Variants in CCDC7 observed in about 807,000 individuals in gnomAD.
The protein encoded by CCDC7 is coiled-coil domain-containing protein 7.
CCDC7 carries 183 observed loss-of-function variants against 196.9 expected under a neutral mutation model. That is an observed-to-expected ratio of 0.93 (90% CI 0.82 to 1.05). CCDC7 has a LOEUF of 1.05. Ranked by LOEUF, CCDC7 falls within the 50% of genes least tolerant of loss-of-function variation. The pLI is 0.00. For synonymous variants in CCDC7, 525 were observed against 484.6 expected (o/e 1.08, Z -1.10); for missense variants, 1,540 against 1,482.2 (o/e 1.04, Z -0.64).
chr10:32,517,822 C>A, intron 9 of CCDC7, 123 bp from the exon 11 acceptor site: 1 of 942,632 alleles, frequency 1.1e-6, no homozygotes, highest in Non-Finnish European at 1.5e-6. Flanking sequence ...CAAGGGAGGG[C>A]AGAATAAAAC....
At position 32,505,229 on chromosome 10, in the gene CCDC7, C is replaced by T. The variant is rs565438219; in HGVS notation, c.873-12716C>T. 6.0e-5 allele frequency among the ~76,000 whole-genome samples: 9 copies of T among 151,118 alleles called. No homozygotes were observed. The South Asian group carries it at 6.4e-4, about 11-fold the overall frequency. On this transcript the variant is annotated intron_variant, in intron 9 of 41. Transcript: ENST00000639629. ...TTATTGATCATTCTTGGGTGTTTCT[C>T]GGAGAGGGGGATGTGGCAGGGTCAT...
intron 9 of CCDC7, among the ~76,000 whole-genome samples, chr10:32,508,740 C>T (rs576656821): frequency 2.0e-5 from 3 of 151,758 alleles, no homozygotes; most frequent in Non-Finnish European, 2.9e-5. Context: ...AAGCAATTCT[C>T]CTGCCTCAGC....
rs550360867 is a variant in CCDC7 at position 32,824,420 on chromosome 10, A to G, written c.3182-98A>G. 3 of 666,034 alleles carry G rather than the reference A, an allele frequency of 4.5e-6. No individual in the cohort carries two copies. In the African/African-American group the frequency reaches 5.4e-5, roughly 12 times the overall value. The allele number at this position is 666,034 out of a possible 1,614,324, so 41.3% of individuals were successfully genotyped here. The stretch of plus-strand genomic sequence containing the variant: ...GACACTTTATTATAATTCTACTCCA[A>G]TGAAGAATATTAATTATGATAGTAT... On this transcript the variant is annotated intron_variant, in intron 31 of 41. Coordinates refer to ENST00000639629, the Ensembl canonical transcript of CCDC7.
upstream of CCDC7, among the ~76,000 whole-genome samples, chr10:32,443,466 T>A (rs2133180388): frequency 6.6e-6 from 1 of 152,258 alleles, no homozygotes; most frequent in East Asian, 1.9e-4. Flanking sequence ...GCACAAAGTC[T>A]ATGATTTAAT....
chr10:32,839,626 C>A (rs1003494883), intron 33 of CCDC7, among the ~76,000 whole-genome samples: 6 of 151,962 alleles, frequency 3.9e-5, no homozygotes, highest in African/African-American at 7.2e-5. Flanking sequence ...AAACAATGAA[C>A]TTGAACTCTA....
intron 33 of CCDC7, among the ~76,000 whole-genome samples, chr10:32,842,881 G>A (rs1237108423): frequency 2.0e-5 from 3 of 152,044 alleles, no homozygotes; most frequent in Non-Finnish European, 4.4e-5. Flanking sequence ...TCATGTGGGA[G>A]CTAAGCTATG....
At chr10:32,872,992 T>C (rs1325760349) in intron 41 of CCDC7, among the ~76,000 whole-genome samples, 2 of 152,144 alleles carry the variant, frequency 1.3e-5, no homozygotes, top group Non-Finnish European at 2.9e-5. Context: ...ATTTCAACTT[T>C]GGTGAATCTG....
chr10:32,619,910 C>CTTTTTTTT lies in CCDC7; in HGVS notation c.1802-14321_1802-14314dup, dbSNP rs56089046. ...CACTGCTCCCAGCCCTTCAATGTAC[C>CTTTTTTTT]TTTTTTTTTTTTTTTTTTTTTTTTT... On this transcript the variant is annotated intron_variant, in intron 18 of 41. Transcript: ENST00000639629. 2.2e-3 allele frequency among the ~76,000 whole-genome samples: 174 copies of CTTTTTTTT among 79,266 alleles called. 7 individuals are homozygous for CTTTTTTTT. The highest frequency in any genetic ancestry group is 4.2e-3 in the East Asian group (9 of 2,128). The allele number at this position is 79,266 out of a possible 152,430, so 52.0% of individuals were successfully genotyped here.
chr10:32,855,337 CG>C (rs2093710185), intron 41 of CCDC7, among the ~76,000 whole-genome samples: 2 of 151,772 alleles, frequency 1.3e-5, no homozygotes, highest in African/African-American at 4.8e-5. Context: ...ATGATTCAGG[CG>C]CATTACATTT....
At chr10:32,744,149 GA>G (rs879608097) in intron 28 of CCDC7, among the ~76,000 whole-genome samples, 29 of 136,426 alleles carry the variant, frequency 2.1e-4, no homozygotes, top group East Asian at 4.5e-4. Context: ...TAAAAAAAAA[GA>G]AAAAAAAAAG....
rs183520633 is a variant in CCDC7, at chr10:32,552,376, G to A, written c.1134+8075G>A. Among the ~76,000 whole-genome samples, 3 of 152,306 alleles carry A rather than the reference G, an allele frequency of 2.0e-5. 1 individual carries two copies. Among genetic ancestry groups the A allele is most frequent in the African/African-American group, 7.2e-5 (3 of 41,564 alleles). On this transcript the variant is annotated intron_variant, in intron 13 of 41. Coordinates refer to ENST00000639629, the Ensembl canonical transcript of CCDC7. ...CTGCAGTTCTGTGTCTTTAAGTGGA[G>A]CATTTAAGTCCAATGTTAGTAATGA...
At chr10:32,729,551 C>T (rs2083607805) in intron 28 of CCDC7, 94 bp downstream of exon 29, 3 of 541,076 alleles carry the variant, frequency 5.5e-6, no homozygotes, top group African/African-American at 1.9e-5. Flanking sequence ...CCATATGCTT[C>T]TTCTGCTAAT....
At chr10:32,624,522 C>G (rs545201290) in intron 18 of CCDC7, among the ~76,000 whole-genome samples, 82 of 152,266 alleles carry the variant, frequency 5.4e-4, no homozygotes, top group African/African-American at 1.8e-3. Context: ...GCTTCAAAAG[C>G]AATGTCAAAA....
intron 21 of CCDC7, among the ~76,000 whole-genome samples, chr10:32,673,706 A>C (rs1329993652): frequency 2.1e-5 from 3 of 142,930 alleles, no homozygotes; most frequent in Non-Finnish European, 4.5e-5. Context: ...GGTTTTCTAC[A>C]TTAAAAAATC....
chr10:32,648,932 A>T (rs554179261), intron 20 of CCDC7, among the ~76,000 whole-genome samples: 2 of 152,236 alleles, frequency 1.3e-5, no homozygotes, highest in Admixed American at 1.3e-4. Flanking sequence ...GACAAATTGG[A>T]TAAAGAAAAT....
intron 21 of CCDC7, among the ~76,000 whole-genome samples, chr10:32,676,148 T>G (rs992679014): frequency 8.1e-6 from 1 of 123,516 alleles, no homozygotes; most frequent in Non-Finnish European, 1.7e-5. Flanking sequence ...GATTCCCTGT[T>G]TAATAAATGG....
At chr10:32,729,335 T>A in exon 28 of CCDC7, 1 of 1,559,244 alleles carries the variant, frequency 6.4e-7, no homozygotes, top group Non-Finnish European at 8.7e-7. Context: ...TATTTAGCGT[T>A]TCCTTTAGAA....
chr10:32,816,483 G>C (rs995414663), intron 31 of CCDC7, among the ~76,000 whole-genome samples: 4 of 152,348 alleles, frequency 2.6e-5, no homozygotes, highest in Admixed American at 2.0e-4. Flanking sequence ...GCTTTGAAGA[G>C]AGTAGTGGTT....
intron 31 of CCDC7, among the ~76,000 whole-genome samples, chr10:32,824,085 G>GA (rs60111952): frequency 2.0e-5 from 3 of 151,590 alleles, no homozygotes; most frequent in Admixed American, 6.6e-5. Context: ...GGTCAACTAT[G>GA]AAAAAAAATT....
Sources: allele counts gnomAD v4.1 joint callset (sites outside exome capture counted in the v4.1 genomes callset), GRCh38; gene constraint gnomAD v4.1.1; transcripts MANE v1.5; gene names NCBI Gene and HGNC (gene_info 2026-07-23, HGNC 2026-07-21).